IQCM: variants seen among roughly 807,000 people sequenced by gnomAD.
The protein encoded by IQCM is IQ domain-containing protein M.
IQCM carries 45 observed loss-of-function variants against 57.6 expected under a neutral mutation model. That is an observed-to-expected ratio of 0.78 (90% CI 0.62 to 1.00). The LOEUF is 1.00. IQCM is among the 50% of genes least tolerant of loss of function. IQCM has a pLI of 0.00. For missense variants in IQCM, 468 were observed against 511.6 expected (o/e 0.91, Z 0.82); for synonymous variants, 148 against 158.9 (o/e 0.93, Z 0.51).
chr4:149,775,327 T>C (rs907337817), intron 2 of IQCM, among the ~76,000 whole-genome samples: 2 of 150,362 alleles, frequency 1.3e-5, no homozygotes, highest in African/African-American at 4.9e-5. Flanking sequence ...AAAAAAAAAG[T>C]AGTGCCTGAA....
intron 7 of IQCM, among the ~76,000 whole-genome samples, chr4:149,662,018 G>T (rs1405861832): frequency 6.6e-6 from 1 of 151,754 alleles, no homozygotes; most frequent in Non-Finnish European, 1.5e-5. Flanking sequence ...TTAGGTCCTT[G>T]CAGTGCATTA....
intron 12 of IQCM, among the ~76,000 whole-genome samples, chr4:149,490,073 AGGTT>A (rs1741930249): frequency 6.6e-6 from 1 of 152,044 alleles, no homozygotes; most frequent in Non-Finnish European, 1.5e-5. Context: ...GAAAATGAAC[AGGTT>A]CATAAAGTGT....
chr4:149,525,884 G>A (rs1008353105), intron 12 of IQCM, among the ~76,000 whole-genome samples: 9 of 151,588 alleles, frequency 5.9e-5, no homozygotes, highest in Non-Finnish European at 1.0e-4. Context: ...GGTAAAATGT[G>A]CATCAGTAAG....
At chr4:149,794,523 G>A (rs190148095) in intron 2 of IQCM, among the ~76,000 whole-genome samples, 4 of 152,124 alleles carry the variant, frequency 2.6e-5, no homozygotes, top group Admixed American at 6.6e-5. Context: ...ACTAGCCAGC[G>A]AGTTATGTTA....
intron 12 of IQCM, among the ~76,000 whole-genome samples, chr4:149,527,519 GC>G (rs1225814473): frequency 6.6e-6 from 1 of 152,200 alleles, no homozygotes; most frequent in East Asian, 1.9e-4. Flanking sequence ...GAATTTGGCA[GC>G]CCCTTGATCT....
At chr4:149,807,284 A>G (rs1774174648) in intron 2 of IQCM, among the ~76,000 whole-genome samples, 1 of 151,978 alleles carries the variant, frequency 6.6e-6, no homozygotes, top group Non-Finnish European at 1.5e-5. Context: ...GGTAATCAAA[A>G]CACCATGGTA....
chr4:149,589,445 T>C (rs187774390), intron 8 of IQCM, among the ~76,000 whole-genome samples: 199 of 152,102 alleles, frequency 1.3e-3, no homozygotes, highest in African/African-American at 4.7e-3. Flanking sequence ...AATGTAAAGA[T>C]GAAACGTGGA....
intron 13 of IQCM, among the ~76,000 whole-genome samples, chr4:149,382,137 CTT>C (rs1186327609): frequency 6.6e-6 from 1 of 152,044 alleles, no homozygotes; most frequent in East Asian, 1.9e-4. Context: ...AATATAAACT[CTT>C]TGCTGGCAGG....
At chr4:149,644,830 A>G (rs1265514008) in intron 7 of IQCM, among the ~76,000 whole-genome samples, 1 of 152,186 alleles carries the variant, frequency 6.6e-6, no homozygotes, top group Non-Finnish European at 1.5e-5. Flanking sequence ...AGTCTGTGTG[A>G]ATAGTACGCA....
chr4:149,417,180 A>G (rs918376832), intron 13 of IQCM, among the ~76,000 whole-genome samples: 1 of 152,280 alleles, frequency 6.6e-6, no homozygotes, highest in Non-Finnish European at 1.5e-5. Flanking sequence ...AAGATTGCAA[A>G]GTTGCATAAA....
chr4:149,655,305 T>A (rs1759538728), intron 7 of IQCM, among the ~76,000 whole-genome samples: 1 of 152,118 alleles, frequency 6.6e-6, no homozygotes, highest in African/African-American at 2.4e-5. Context: ...ATACCTCAAT[T>A]TCAGACATAA....
chr4:149,774,401 A>G (rs564821500), intron 2 of IQCM, among the ~76,000 whole-genome samples: 47 of 152,296 alleles, frequency 3.1e-4, no homozygotes, highest in African/African-American at 9.1e-4. Context: ...GCAATAAAAT[A>G]AAAACCTCTA....
At chr4:149,665,852 G>A (rs892398647) in intron 7 of IQCM, among the ~76,000 whole-genome samples, 5 of 152,076 alleles carry the variant, frequency 3.3e-5, no homozygotes, top group East Asian at 1.9e-4. Context: ...GGAAGGACTC[G>A]ACTGGCTAAG....
At chr4:149,694,391 A>T (rs2149801556) in intron 5 of IQCM, among the ~76,000 whole-genome samples, 1 of 151,582 alleles carries the variant, frequency 6.6e-6, no homozygotes, top group Admixed American at 6.6e-5. Context: ...CGCCCGGCTA[A>T]TTTTTTGTAT....
At chr4:149,769,775 T>G (rs569987730) in intron 2 of IQCM, among the ~76,000 whole-genome samples, 66 of 150,028 alleles carry the variant, frequency 4.4e-4, no homozygotes, top group African/African-American at 1.4e-3. Flanking sequence ...TAACAGAGCT[T>G]GAAACTACAT....
chr4:149,394,767 C>A (rs1732110562), intron 13 of IQCM, among the ~76,000 whole-genome samples: 1 of 151,996 alleles, frequency 6.6e-6, no homozygotes, highest in Non-Finnish European at 1.5e-5. Flanking sequence ...TTACATCACA[C>A]ACTCTGAAGA....
At chr4:149,412,332 T>C (rs1201543023) in intron 13 of IQCM, among the ~76,000 whole-genome samples, 1 of 152,284 alleles carries the variant, frequency 6.6e-6, no homozygotes, top group African/African-American at 2.4e-5. Flanking sequence ...TAAATTATAA[T>C]ATCTTTTTAT....
intron 7 of IQCM, among the ~76,000 whole-genome samples, chr4:149,674,299 T>C (rs1177507878): frequency 6.6e-6 from 1 of 152,132 alleles, no homozygotes; most frequent in Non-Finnish European, 1.5e-5. Context: ...CAAAATAAAA[T>C]GCCAGTATCT....
At chr4:149,802,547 T>C (rs968081882) in intron 2 of IQCM, among the ~76,000 whole-genome samples, 1 of 151,970 alleles carries the variant, frequency 6.6e-6, no homozygotes, top group African/African-American at 2.4e-5. Flanking sequence ...CCTTTGCCCT[T>C]GAAAACCTGC....
Sources: gnomAD v4.1 joint callset for allele counts (sites outside exome capture counted in the v4.1 genomes callset) on GRCh38, gnomAD v4.1.1 for gene constraint, MANE v1.5 for transcripts, NCBI Gene and HGNC (gene_info 2026-07-23, HGNC 2026-07-21) for gene names.